Variants in UQCC1 observed in about 807,000 individuals in gnomAD.
UQCC1 encodes bFGF-repressed Zic-binding protein.
Under a neutral mutation model 48.0 loss-of-function variants are expected in UQCC1, and 38 were observed. The observed-to-expected ratio is 0.79, with a 90% CI of 0.61 to 1.04. UQCC1 has a LOEUF of 1.04. UQCC1 is among the 50% of genes least tolerant of loss of function. The pLI is 0.00. For missense variants in UQCC1, 368 were observed against 381.8 expected (o/e 0.96, Z 0.30); for synonymous variants, 111 against 129.2 (o/e 0.86, Z 0.95).
At position 35,333,470 on chromosome 20, in the gene UQCC1, G is replaced by A. The variant is rs540216799; in HGVS notation, c.573+13694C>T. Among the ~76,000 whole-genome samples, 4 of 152,340 alleles carry A rather than the reference G, an allele frequency of 2.6e-5. No homozygotes were observed. The South Asian group carries it at 8.3e-4, about 32-fold the overall frequency. ...TACTTTTTGGCAGTTGTGGCAAAAG[G>A]AAAGCGGGACTGCTATACCATTCTC... is the stretch of plus-strand genomic sequence containing the variant. On this transcript the variant is annotated intron_variant, in intron 7 of 9. Coordinates refer to ENST00000374385, the MANE Select transcript of UQCC1 (RefSeq NM_018244.5).
intron 6 of UQCC1, among the ~76,000 whole-genome samples, chr20:35,366,346 A>T (rs1263262989): frequency 6.6e-6 from 1 of 152,210 alleles, no homozygotes; most frequent in Non-Finnish European, 1.5e-5. Context: ...TCTCTGAAAA[A>T]ATCCTACAAA....
intron 6 of UQCC1, among the ~76,000 whole-genome samples, chr20:35,352,043 A>G (rs1041745436): frequency 3.3e-5 from 5 of 152,270 alleles, no homozygotes; most frequent in Non-Finnish European, 7.3e-5. Context: ...AGGGAATGCC[A>G]TAGATCTCCC....
chr20:35,366,763 G>T, intron 5 of UQCC1, 149 bp from the exon 6 acceptor site: 2 of 608,790 alleles, frequency 3.3e-6, no homozygotes, highest in Non-Finnish European at 5.7e-6. Context: ...GAGACCACAG[G>T]ATAAAAGAAC....
At chr20:35,411,356 A>C (rs2062360821) in intron 1 of UQCC1, among the ~76,000 whole-genome samples, 2 of 152,076 alleles carry the variant, frequency 1.3e-5, no homozygotes, top group African/African-American at 4.8e-5. Context: ...GATGTGCCAG[A>C]CACCATGCTA....
intron 1 of UQCC1, among the ~76,000 whole-genome samples, chr20:35,394,463 C>T (rs559076322): frequency 6.6e-6 from 1 of 152,048 alleles, no homozygotes. Context: ...AGAAACCTAC[C>T]ACAGGAGTAG....
rs200603567 is a variant in UQCC1 at position 35,374,141 on chromosome 20, G to A, written c.406+43C>T. ...TAAAACACAACCATAAAAATGAAATGTAGATTTGTTCTCCTTTTCAGTACT... is the reference window on the plus strand; with the variant it reads ...TAAAACACAACCATAAAAATGAAATATAGATTTGTTCTCCTTTTCAGTACT... On this transcript the variant is annotated intron_variant, in intron 5 of 9. Coordinates refer to ENST00000374385, the MANE Select transcript of UQCC1 (RefSeq NM_018244.5). 8.8e-6 allele frequency: 13 copies of A among 1,476,008 alleles called. No individual in the cohort carries two copies. The East Asian group carries it at 2.5e-4, about 29-fold the overall frequency. The allele number at this position is 1,476,008 out of a possible 1,614,324, so 91.4% of individuals were successfully genotyped here. A position where few individuals can be genotyped will look rare whatever the true frequency, so the allele number is the denominator to read the frequency against.
intron 6 of UQCC1, among the ~76,000 whole-genome samples, chr20:35,366,202 C>T (rs1049658544): frequency 7.2e-5 from 11 of 152,242 alleles, no homozygotes; most frequent in South Asian, 2.1e-4. Flanking sequence ...AAAATGACCA[C>T]GGATTCTCAC....
chr20:35,366,451 G>A, intron 6 of UQCC1, 106 bp downstream of exon 6: 2 of 950,768 alleles, frequency 2.1e-6, no homozygotes, highest in Admixed American at 2.3e-5. Flanking sequence ...TTTAACACCT[G>A]AACAACTGCC....
chr20:35,399,184 A>G (rs550127631), intron 1 of UQCC1, among the ~76,000 whole-genome samples: 30 of 152,348 alleles, frequency 2.0e-4, no homozygotes, highest in African/African-American at 7.0e-4. Flanking sequence ...AAACACAACT[A>G]AAGGCATCAC....
intron 1 of UQCC1, among the ~76,000 whole-genome samples, chr20:35,405,579 A>C (rs1170541011): frequency 6.6e-6 from 1 of 152,230 alleles, no homozygotes; most frequent in African/African-American, 2.4e-5. Flanking sequence ...TCTAAATGAA[A>C]ATATGTCTAA....
intron 7 of UQCC1, among the ~76,000 whole-genome samples, chr20:35,318,395 C>A (rs1488190323): frequency 6.6e-6 from 1 of 152,238 alleles, no homozygotes; most frequent in African/African-American, 2.4e-5. Flanking sequence ...ATCATCAACA[C>A]ATTCATCTGC....
chr20:35,353,873 A>G (rs1330874806), intron 6 of UQCC1, among the ~76,000 whole-genome samples: 1 of 152,190 alleles, frequency 6.6e-6, no homozygotes, highest in Non-Finnish European at 1.5e-5. Context: ...ACTCATCCAG[A>G]GCAACTTCTA....
intron 7 of UQCC1, among the ~76,000 whole-genome samples, chr20:35,316,368 C>A (rs887327095): frequency 6.6e-6 from 1 of 152,148 alleles, no homozygotes; most frequent in Non-Finnish European, 1.5e-5. Context: ...TTGTGTCACA[C>A]AGCAAATTCA....
At chr20:35,390,052 G>A (rs1236477875) in intron 2 of UQCC1, among the ~76,000 whole-genome samples, 5 of 152,196 alleles carry the variant, frequency 3.3e-5, no homozygotes, top group Non-Finnish European at 7.3e-5. Flanking sequence ...ATTATGCTAA[G>A]TGAAATAAGC....
intron 5 of UQCC1, among the ~76,000 whole-genome samples, chr20:35,371,344 G>GTTTTTTTTGT (rs2061727697): frequency 6.9e-6 from 1 of 144,998 alleles, no homozygotes; most frequent in South Asian, 2.2e-4. Flanking sequence ...GGTTTTTTTT[G>GTTTTTTTTGT]TTTTTTTTTT....
At chr20:35,365,959 C>T (rs1184560333) in intron 6 of UQCC1, among the ~76,000 whole-genome samples, 1 of 152,192 alleles carries the variant, frequency 6.6e-6, no homozygotes, top group Non-Finnish European at 1.5e-5. Context: ...CAGCCCCTGA[C>T]TTCAACGACT....
intron 7 of UQCC1, among the ~76,000 whole-genome samples, chr20:35,327,141 T>G (rs2061203990): frequency 6.6e-6 from 1 of 152,204 alleles, no homozygotes; most frequent in African/African-American, 2.4e-5. Flanking sequence ...CAGCCCTGCC[T>G]TCTTCTTCTC....
At chr20:35,408,607 C>A (rs1030700051) in intron 1 of UQCC1, among the ~76,000 whole-genome samples, 15 of 151,824 alleles carry the variant, frequency 9.9e-5, no homozygotes, top group Admixed American at 8.5e-4. Context: ...AGTCCCAGCA[C>A]TTTGGGAGAC....
rs748237268 is a variant in UQCC1 at position 35,374,236 on chromosome 20, C to T, written c.354G>A (p.Leu118=). 6.2e-7 allele frequency: 1 copy of T among 1,612,674 alleles called. No individual in the cohort carries two copies. The highest frequency in any genetic ancestry group is 1.1e-5 in the South Asian group (1 of 90,654). ...YSKWKIKIAA[L]RMYTSCVEKT... is the part of the protein sequence containing the mutation. ...TCTCCACACAGCTAGTATACATGCG[C>T]AGGGCCGCAATCTTAATCTTCTAGA... The change falls in exon 5 of 10, where the codon CTG becomes CTA. Residue 118 remains leucine, a synonymous_variant. Coordinates refer to ENST00000374385, the MANE Select transcript of UQCC1 (RefSeq NM_018244.5).
Sources: gnomAD v4.1 joint callset for allele counts (sites outside exome capture counted in the v4.1 genomes callset) on GRCh38, gnomAD v4.1.1 for gene constraint, MANE v1.5 for transcripts, NCBI Gene and HGNC (gene_info 2026-07-23, HGNC 2026-07-21) for gene names.